Variants in MRTFA observed in about 807,000 individuals in gnomAD.
The protein encoded by MRTFA is myocardin related transcription factor A.
A neutral mutation model predicts 83.5 loss-of-function variants in MRTFA; 20 were observed. That is an observed-to-expected ratio of 0.24 (90% CI 0.17 to 0.35). MRTFA has a LOEUF of 0.35. MRTFA is among the 10% of genes least tolerant of loss of function. MRTFA has a pLI of 1.00. For missense variants in MRTFA, 1,200 were observed against 1,224.7 expected (o/e 0.98, Z 0.30); for synonymous variants, 659 against 541.2 (o/e 1.22, Z -3.02).
Position 40,420,829 on chromosome 22 carries a change from T to C in MRTFA, c.1181+18A>G. The C allele has an allele frequency of 6.2e-7, 1 of 1,612,440 alleles. No individual in the cohort carries two copies. The highest frequency in any genetic ancestry group is 2.2e-5 in the East Asian group (1 of 44,868). The stretch of plus-strand genomic sequence containing the variant: ...GCTCGGGGAGGGCAGGGGCAGGCAG[T>C]GAGGAGCGGGTGCCTACTTTGGCGG... On this transcript the variant is annotated intron_variant, in intron 10 of 14. Coordinates refer to ENST00000355630, the MANE Select transcript of MRTFA (RefSeq NM_020831.6).
chr22:40,593,374 T>C (rs1314257114), intron 2 of MRTFA, among the ~76,000 whole-genome samples: 1 of 152,160 alleles, frequency 6.6e-6, no homozygotes, highest in African/African-American at 2.4e-5. Flanking sequence ...AGAACATACA[T>C]GAAAATTTAC....
chr22:40,600,205 A>T (rs2056242947), intron 1 of MRTFA, among the ~76,000 whole-genome samples: 1 of 152,104 alleles, frequency 6.6e-6, no homozygotes, highest in Non-Finnish European at 1.5e-5. Context: ...CTGCACCCAA[A>T]GAGAAGATTA....
chr22:40,553,669 T>C (rs1173824898), intron 2 of MRTFA, among the ~76,000 whole-genome samples: 1 of 152,096 alleles, frequency 6.6e-6, no homozygotes, highest in Non-Finnish European at 1.5e-5. Flanking sequence ...ACAGCTCTCA[T>C]GGAGAACCTC....
chr22:40,525,998 C>A (rs187386080), intron 3 of MRTFA, among the ~76,000 whole-genome samples: 1 of 151,300 alleles, frequency 6.6e-6, no homozygotes, highest in Non-Finnish European at 1.5e-5. Context: ...TCAGGGAGTG[C>A]GCCTAACTAA....
chr22:40,528,689 A>C (rs2055022049), intron 3 of MRTFA, among the ~76,000 whole-genome samples: 3 of 150,788 alleles, frequency 2.0e-5, no homozygotes, highest in African/African-American at 7.3e-5. Context: ...GTGAGCCGAG[A>C]TCGTGCTATT....
At chr22:40,515,551 G>T (rs1387584738) in intron 3 of MRTFA, among the ~76,000 whole-genome samples, 1 of 151,978 alleles carries the variant, frequency 6.6e-6, no homozygotes, top group Non-Finnish European at 1.5e-5. Context: ...AAACTGGCTG[G>T]GCGTGGTGGC....
intron 1 of MRTFA, among the ~76,000 whole-genome samples, chr22:40,626,932 A>G (rs977590086): frequency 3.3e-5 from 5 of 151,966 alleles, no homozygotes; most frequent in African/African-American, 1.2e-4. Flanking sequence ...CCATGATAAC[A>G]CCACTCTAAC....
intron 4 of MRTFA, among the ~76,000 whole-genome samples, chr22:40,438,783 C>A (rs1358575951): frequency 1.3e-5 from 2 of 151,460 alleles, no homozygotes; most frequent in East Asian, 1.9e-4. Context: ...AAAAAAAAAA[C>A]ACAGTACGTA....
intron 3 of MRTFA, among the ~76,000 whole-genome samples, chr22:40,529,048 T>C (rs2055029631): frequency 6.6e-6 from 1 of 152,162 alleles, no homozygotes; most frequent in Admixed American, 6.5e-5. Flanking sequence ...TACAGACCTG[T>C]GAGTGATGTG....
intron 12 of MRTFA, 146 bp downstream of exon 12, chr22:40,418,228 T>C (rs1184876243): frequency 3.5e-6 from 5 of 1,432,450 alleles, no homozygotes; most frequent in Admixed American, 5.8e-5. Context: ...CTTTCCTAAG[T>C]CTCAGTACCC....
chr22:40,624,605 A>G (rs1044812444), intron 1 of MRTFA, among the ~76,000 whole-genome samples: 1 of 152,100 alleles, frequency 6.6e-6, no homozygotes, highest in Non-Finnish European at 1.5e-5. Flanking sequence ...ATGAAGGTAA[A>G]GTTTTGAGAA....
chr22:40,550,806 G>A (rs2055432017), intron 3 of MRTFA, among the ~76,000 whole-genome samples: 1 of 151,068 alleles, frequency 6.6e-6, no homozygotes, highest in South Asian at 2.1e-4. Flanking sequence ...GGTGGTATTT[G>A]AACACACAAT....
At chr22:40,610,932 C>CTTTTTTT (rs746175814) in intron 1 of MRTFA, among the ~76,000 whole-genome samples, 11 of 108,366 alleles carry the variant, frequency 1.0e-4, no homozygotes, top group Admixed American at 1.9e-4. Flanking sequence ...TTTTCTTTTA[C>CTTTTTTT]TTTTTTTTTT....
chr22:40,571,921 CAA>C (rs557782525), intron 2 of MRTFA, among the ~76,000 whole-genome samples: 127 of 18,700 alleles, frequency 6.8e-3, no homozygotes, highest in African/African-American at 0.027. Flanking sequence ...AAGACTCTGT[CAA>C]AAAAAAAAAA....
intron 4 of MRTFA, among the ~76,000 whole-genome samples, chr22:40,436,901 C>A (rs1359554971): frequency 1.3e-5 from 2 of 152,138 alleles, no homozygotes; most frequent in Non-Finnish European, 2.9e-5. Flanking sequence ...AGGACCCTAT[C>A]CTGCCTGGGC....
rs1602185149 is a variant in MRTFA, at chr22:40,411,120, T to G, written c.*270A>C. ...TGCCCCCTGACCTCAAAAAAGGAGG[T>G]CAAGCTGAAATGGCCCTGACCCTGA... On this transcript the variant is annotated 3_prime_UTR_variant, in exon 15 of 15. Coordinates refer to ENST00000355630, the MANE Select transcript of MRTFA (RefSeq NM_020831.6). 1 of 351,740 alleles carries G rather than the reference T, an allele frequency of 2.8e-6. No homozygotes were observed. The highest frequency in any genetic ancestry group is 5.1e-6 in the Non-Finnish European group (1 of 196,448). The allele number at this position is 351,740 out of a possible 1,614,324, so 21.8% of individuals were successfully genotyped here. A position where few individuals can be genotyped will look rare whatever the true frequency, so the allele number is the denominator to read the frequency against.
intron 4 of MRTFA, among the ~76,000 whole-genome samples, chr22:40,438,346 G>A (rs1268883024): frequency 6.6e-6 from 1 of 152,168 alleles, no homozygotes; most frequent in Non-Finnish European, 1.5e-5. Context: ...TTCACTTACA[G>A]GCCAGCTAGT....
rs752706673 is a variant in MRTFA, at chr22:40,418,481, C to T, written c.2257G>A (p.Val753Ile). 1.1e-5 allele frequency: 18 copies of T among 1,613,064 alleles called. No individual in the cohort carries two copies. The highest frequency in any genetic ancestry group is 1.5e-5 in the Non-Finnish European group (18 of 1,179,480). ...TCGGTGATGAGGGTGGGAGGTGCAA[C>T]CCCCTTGATGAGGCTGGGGCCCTGA... Residue 753 changes from valine to isoleucine, a missense_variant, in exon 12 of 15, where the codon GTT becomes ATT. This residue lies in a region of MRTFA where 1,107 missense variants were observed against 1,041.8 expected (regional missense o/e 1.06). Transcript: ENST00000355630.
intron 2 of MRTFA, among the ~76,000 whole-genome samples, chr22:40,565,955 A>T (rs2055697291): frequency 6.6e-6 from 1 of 152,202 alleles, no homozygotes; most frequent in South Asian, 2.1e-4. Flanking sequence ...GGAAACTGAG[A>T]CACTGAGAGG....
Sources: allele counts gnomAD v4.1 joint callset (sites outside exome capture counted in the v4.1 genomes callset), GRCh38; gene constraint gnomAD v4.1.1; regional missense constraint gnomAD v4.1.1; transcripts MANE v1.5; gene names NCBI Gene and HGNC (gene_info 2026-07-23, HGNC 2026-07-21).